Variants in PIK3CG observed in about 807,000 individuals in gnomAD.
PIK3CG encodes phosphatidylinositol 4,5-bisphosphate 3-kinase catalytic subunit gamma isoform.
PIK3CG carries 55 observed loss-of-function variants against 102.3 expected under a neutral mutation model. The ratio of observed to expected loss-of-function variants is 0.54; its 90% CI spans 0.43 to 0.67. The LOEUF is 0.67. PIK3CG is among the 30% of genes least tolerant of loss of function. The probability of loss-of-function intolerance (pLI) is 0.00; values close to 1 mark genes in which losing one functional copy is unlikely to be tolerated. For missense variants in PIK3CG, 1,258 were observed against 1,391.8 expected (o/e 0.90, Z 1.53); for synonymous variants, 552 against 540.0 (o/e 1.02, Z -0.31).
rs973982351 is a variant in PIK3CG at position 106,893,455 on chromosome 7, G to A, written c.3030+7163G>A. Reference sequence around the variant, plus strand: ...TGGAAAAGATACGAATCCAAAACTGGAAAGATAATAACCTTTTAATTGACA... The same window carrying A: ...TGGAAAAGATACGAATCCAAAACTGAAAAGATAATAACCTTTTAATTGACA... On this transcript the variant is annotated intron_variant, in intron 10 of 10. Transcript: ENST00000496166. This position sits in a 1 kb window ranked among gnomAD's most constrained non-coding sequence, Gnocchi z 4.4. 2.0e-5 allele frequency among the ~76,000 whole-genome samples: 3 copies of A among 152,144 alleles called. No homozygotes were observed. The highest frequency in any genetic ancestry group is 4.4e-5 in the Non-Finnish European group (3 of 68,020).
At position 106,869,077 on chromosome 7, in the gene PIK3CG, A is replaced by G. The variant is rs201694007; in HGVS notation, c.1516A>G (p.Thr506Ala). 4.5e-5 allele frequency: 73 copies of G among 1,614,096 alleles called. No individual in the cohort carries two copies. Among genetic ancestry groups the G allele is most frequent in the South Asian group, 4.3e-4 (39 of 91,088 alleles). ...SFNADKLTSA[T>A]NPDKENSMSI... Reference sequence around the variant, plus strand: ...CAATGCTGACAAACTCACGTCTGCAACTAACCCAGACAAGGAGAACTCAAT... The same window carrying G: ...CAATGCTGACAAACTCACGTCTGCAGCTAACCCAGACAAGGAGAACTCAAT... Residue 506 changes from threonine (T) to alanine (A), a missense_variant, in exon 2 of 11, where the codon ACT becomes GCT. Coordinates refer to ENST00000496166, the MANE Select transcript of PIK3CG (RefSeq NM_001282426.2). The surrounding 1 kb of genome is among the most constrained non-coding windows in gnomAD (Gnocchi z 5.3).
In PIK3CG at chr7:106,895,161, G is replaced by A. The variant is rs1204002044; in HGVS notation, c.3030+8869G>A. Among the ~76,000 whole-genome samples the A allele has an allele frequency of 6.6e-6, 1 of 152,176 alleles. No homozygotes were observed. Among genetic ancestry groups the A allele is most frequent in the African/African-American group, 2.4e-5 (1 of 41,428 alleles). On this transcript the variant is annotated intron_variant, in intron 10 of 10. Coordinates refer to ENST00000496166, the MANE Select transcript of PIK3CG (RefSeq NM_001282426.2). The surrounding 1 kb of genome is among the most constrained non-coding windows in gnomAD (Gnocchi z 5.4). ...GTCATTAACAAGTGCATTAAACCAA[G>A]TCCTCGAAGTCAGATTTTTCCCTTA...
chr7:106,868,099 T>G lies in PIK3CG; in HGVS notation c.538T>G (p.Leu180Val), dbSNP rs2116430666. 4 of 1,612,882 alleles carry G rather than the reference T, an allele frequency of 2.5e-6. No homozygotes were observed. Among genetic ancestry groups the G allele is most frequent in the Non-Finnish European group, 3.4e-6 (4 of 1,179,264 alleles). The change falls in exon 2 of 11, where the codon TTG becomes GTG. Residue 180 changes from leucine (L) to valine (V), a missense_variant. Transcript: ENST00000496166. This position sits in a 1 kb window ranked among gnomAD's most constrained non-coding sequence, Gnocchi z 6.2. The part of the protein sequence containing the change: ...DDELEFTRRG[L>V]VTPRMAEVAS... Reference sequence around the variant, plus strand: ...TGAGCTGGAGTTCACGCGCCGTGGCTTGGTGACCCCGCGCATGGCGGAGGT... The same window carrying G: ...TGAGCTGGAGTTCACGCGCCGTGGCGTGGTGACCCCGCGCATGGCGGAGGT...
intron 10 of PIK3CG, among the ~76,000 whole-genome samples, chr7:106,887,472 G>A (rs1039485671): frequency 6.6e-6 from 1 of 152,162 alleles, no homozygotes; most frequent in Non-Finnish European, 1.5e-5. Context: ...AGAACAGGAA[G>A]TAGGATACAT....
intron 2 of PIK3CG, among the ~76,000 whole-genome samples, chr7:106,871,781 T>C (rs1251138576): frequency 6.6e-6 from 1 of 152,268 alleles, no homozygotes; most frequent in Non-Finnish European, 1.5e-5. Flanking sequence ...TTTTACATTT[T>C]ATCAGTTCTT....
In PIK3CG at chr7:106,894,581, A is replaced by G. The variant is rs1427391397; in HGVS notation, c.3030+8289A>G. ...TGTTTTGCCAAAATAATTCCTAAAG[A>G]CTGGCTAGCCAATGCATTGATTTTT... On this transcript the variant is annotated intron_variant, in intron 10 of 10. Transcript: ENST00000496166. The surrounding 1 kb of genome is among the most constrained non-coding windows in gnomAD (Gnocchi z 4.4). Among the ~76,000 whole-genome samples the G allele has an allele frequency of 3.3e-5, 5 of 152,318 alleles. No individual in the cohort carries two copies. Among genetic ancestry groups the G allele is most frequent in the African/African-American group, 1.2e-4 (5 of 41,558 alleles).
At position 106,894,743 on chromosome 7, in the gene PIK3CG, G is replaced by A. The variant is rs76726350; in HGVS notation, c.3030+8451G>A. Among the ~76,000 whole-genome samples the A allele has an allele frequency of 9.5e-3, 1,445 of 152,324 alleles. 14 individuals carry two copies. Among genetic ancestry groups the A allele is most frequent in the Non-Finnish European group, 0.015 (1,048 of 68,028 alleles). The stretch of plus-strand genomic sequence containing the variant: ...AAGTGGAGGTTCCACTTCATTTCTA[G>A]ATGAAAATGGAGGATTTTGATGTTA... On this transcript the variant is annotated intron_variant, in intron 10 of 10. Transcript: ENST00000496166. This position sits in a 1 kb window ranked among gnomAD's most constrained non-coding sequence, Gnocchi z 4.4.
Position 106,882,206 on chromosome 7 carries a change from A to G in PIK3CG, c.2628A>G (p.Ile876Met), listed in dbSNP as rs1790962169. 1 of 1,541,460 alleles carries G rather than the reference A, an allele frequency of 6.5e-7. No homozygotes were observed. The highest frequency in any genetic ancestry group is 8.8e-7 in the Non-Finnish European group (1 of 1,131,030). ...GTTGCATTTCAACTGGTGACAAAAT[A>G]GGTATGTAGTTACCTCAGGAGATGA... Reference protein sequence around the residue: ...PYGCISTGDKIGMIEIVKDAT... With the variant: ...PYGCISTGDKMGMIEIVKDAT... Residue 876 changes from isoleucine to methionine, a missense_variant and splice_region_variant, in exon 7 of 11, where the codon ATA becomes ATG. Coordinates refer to ENST00000496166, the MANE Select transcript of PIK3CG (RefSeq NM_001282426.2).
Position 106,908,857 on chromosome 7 carries a change from A to G in PIK3CG, c.*3470A>G, listed in dbSNP as rs1791757095. Among the ~76,000 whole-genome samples, 1 of 152,240 alleles carries G rather than the reference A, an allele frequency of 6.6e-6. No homozygotes were observed. The highest frequency in any genetic ancestry group is 1.5e-5 in the Non-Finnish European group (1 of 68,030). On this transcript the variant is annotated 3_prime_UTR_variant, in exon 11 of 11. Coordinates refer to ENST00000496166, the MANE Select transcript of PIK3CG (RefSeq NM_001282426.2). The surrounding 1 kb of genome is among the most constrained non-coding windows in gnomAD (Gnocchi z 4.1). ...GCTTTTCATGATTTTGAAATAAATC[A>G]TAATTAGACTTAACAATATGGAGAA...
chr7:106,891,651 G>C lies in PIK3CG; in HGVS notation c.3030+5359G>C, dbSNP rs1484765874. Among the ~76,000 whole-genome samples, 7 of 152,148 alleles carry C rather than the reference G, an allele frequency of 4.6e-5. No individual in the cohort carries two copies. The highest frequency in any genetic ancestry group is 1.0e-4 in the Non-Finnish European group (7 of 68,034). On this transcript the variant is annotated intron_variant, in intron 10 of 10. Transcript: ENST00000496166. The surrounding 1 kb of genome is among the most constrained non-coding windows in gnomAD (Gnocchi z 4.4). ...CCAAGCAAATCTGAAGTCATCAGGG[G>C]AGCCAAATAACACATCTACAGACAA...
chr7:106,887,799 G>T (rs114447077), intron 10 of PIK3CG, among the ~76,000 whole-genome samples: 4,038 of 152,130 alleles, frequency 0.027, 167 homozygotes, highest in African/African-American at 0.092. Flanking sequence ...TTAAAGGGGG[G>T]AAAACACTCA....
In PIK3CG at chr7:106,884,585, T is replaced by C. The variant is rs998165732; in HGVS notation, c.2872+319T>C. ...TGGTGCTTCAGTTACTCTAGAGCAG[T>C]GGCCCCCAACCTCTTTGGCACCAAG... is the stretch of plus-strand genomic sequence containing the variant. On this transcript the variant is annotated intron_variant, in intron 9 of 10. Transcript: ENST00000496166. The surrounding 1 kb of genome is among the most constrained non-coding windows in gnomAD (Gnocchi z 4.2). 9.2e-5 allele frequency among the ~76,000 whole-genome samples: 14 copies of C among 152,124 alleles called. No individual in the cohort carries two copies. Among genetic ancestry groups the C allele is most frequent in the African/African-American group, 3.4e-4 (14 of 41,422 alleles).
intron 2 of PIK3CG, among the ~76,000 whole-genome samples, chr7:106,871,823 T>C (rs1370707776): frequency 6.6e-6 from 1 of 152,240 alleles, no homozygotes; most frequent in Non-Finnish European, 1.5e-5. Context: ...ACTAAGTCAA[T>C]ATTCTCTAAC....
rs983485253 is a variant in PIK3CG at position 106,879,232 on chromosome 7, G to A, written c.2392-287G>A. Among the ~76,000 whole-genome samples the A allele has an allele frequency of 2.0e-5, 3 of 152,120 alleles. No individual in the cohort carries two copies. The highest frequency in any genetic ancestry group is 2.9e-5 in the Non-Finnish European group (2 of 68,024). ...GGAGTGTCAGAGCTCTGTGTGCGTG[G>A]GGAGGGTGAGATCTGCCATACCTCT... On this transcript the variant is annotated intron_variant, in intron 5 of 10. Transcript: ENST00000496166. This position sits in a 1 kb window ranked among gnomAD's most constrained non-coding sequence, Gnocchi z 4.9.
At position 106,903,413 on chromosome 7, in the gene PIK3CG, G is replaced by A. The variant is rs1403178606; in HGVS notation, c.3031-1696G>A. On this transcript the variant is annotated intron_variant, in intron 10 of 10. Transcript: ENST00000496166. The surrounding 1 kb of genome is among the most constrained non-coding windows in gnomAD (Gnocchi z 4.3). ...CATTATAAGCAGTCTTGTCACTGAG[G>A]GATGTTCAAAAACTGACTCATTGCT... is the stretch of plus-strand genomic sequence containing the variant. Among the ~76,000 whole-genome samples, 1 of 151,596 alleles carries A rather than the reference G, an allele frequency of 6.6e-6. No individual in the cohort carries two copies. Among genetic ancestry groups the A allele is most frequent in the Non-Finnish European group, 1.5e-5 (1 of 67,860 alleles).
At position 106,903,992 on chromosome 7, in the gene PIK3CG, C is replaced by T. The variant is rs1330093071; in HGVS notation, c.3031-1117C>T. ...GCCAGGCTGGTCTTGAACTCCTAAC[C>T]TCAAGTGATCCACCCACCTTGGCCT... On this transcript the variant is annotated intron_variant, in intron 10 of 10. Transcript: ENST00000496166. The surrounding 1 kb of genome is among the most constrained non-coding windows in gnomAD (Gnocchi z 4.3). Among the ~76,000 whole-genome samples, 2 of 151,994 alleles carry T rather than the reference C, an allele frequency of 1.3e-5. No individual in the cohort carries two copies. Among genetic ancestry groups the T allele is most frequent in the Non-Finnish European group, 2.9e-5 (2 of 68,002 alleles).
chr7:106,902,262 G>A lies in PIK3CG; in HGVS notation c.3031-2847G>A, dbSNP rs1791577573. Reference sequence around the variant, plus strand: ...GGTTTCCTGTCTTGTGTCAAGCAATGCGGGGGGTGTGTGGGATGCACGGGA... The same window carrying A: ...GGTTTCCTGTCTTGTGTCAAGCAATACGGGGGGTGTGTGGGATGCACGGGA... On this transcript the variant is annotated intron_variant, in intron 10 of 10. Transcript: ENST00000496166. This position sits in a 1 kb window ranked among gnomAD's most constrained non-coding sequence, Gnocchi z 4.3. Among the ~76,000 whole-genome samples, 1 of 152,140 alleles carries A rather than the reference G, an allele frequency of 6.6e-6. No homozygotes were observed. The highest frequency in any genetic ancestry group is 6.5e-5 in the Admixed American group (1 of 15,270).
chr7:106,876,203 C>T (rs1381212944), intron 5 of PIK3CG, among the ~76,000 whole-genome samples: 17 of 152,000 alleles, frequency 1.1e-4, no homozygotes, highest in Admixed American at 7.2e-4. Flanking sequence ...CGTGAGCCAC[C>T]GCGCCCGGCC....
rs1031411284 is a variant in PIK3CG at position 106,882,325 on chromosome 7, A to C, written c.2629+118A>C. The C allele has an allele frequency of 9.2e-6, 4 of 434,070 alleles. No homozygotes were observed. In the East Asian group the frequency reaches 1.4e-4, roughly 15 times the overall value. The allele number at this position is 434,070 out of a possible 1,614,324, so 26.9% of individuals were successfully genotyped here. A position where few individuals can be genotyped will look rare whatever the true frequency, so the allele number is the denominator to read the frequency against. On this transcript the variant is annotated intron_variant, in intron 7 of 10. Transcript: ENST00000496166. The stretch of plus-strand genomic sequence containing the variant: ...ATAATCTTAATCTGTATAAAAAGGA[A>C]GAAAACATTTCTATGCTGGTGAATG...
Sources: allele counts gnomAD v4.1 joint callset (sites outside exome capture counted in the v4.1 genomes callset), GRCh38; gene constraint gnomAD v4.1.1; non-coding constraint Gnocchi (gnomAD v3.1); transcripts MANE v1.5; gene names NCBI Gene and HGNC (gene_info 2026-07-23, HGNC 2026-07-21).